NDUFAF6: variants seen among roughly 807,000 people sequenced by gnomAD.
NDUFAF6 encodes the protein NADH dehydrogenase (ubiquinone) complex I, assembly factor 6.
Under a neutral mutation model 40.8 loss-of-function variants are expected in NDUFAF6, and 45 were observed. The ratio of observed to expected loss-of-function variants is 1.10; its 90% confidence interval spans 0.87 to 1.42. The LOEUF (loss-of-function observed/expected upper bound fraction) is 1.42, where lower values mean the gene tolerates loss of function less well. NDUFAF6 is among the 40% of genes most tolerant of loss of function. The probability of loss-of-function intolerance (pLI) is 0.00; values close to 1 mark genes in which losing one functional copy is unlikely to be tolerated. For synonymous variants in NDUFAF6, 185 were observed against 155.9 expected (o/e 1.19, Z -1.39); for missense variants, 435 against 418.5 (o/e 1.04, Z -0.34).
At chr8:94,983,144 T>C (rs969239151) in intron 2 of NDUFAF6, among the ~76,000 whole-genome samples, 1 of 151,828 alleles carries the variant, frequency 6.6e-6, no homozygotes, top group Non-Finnish European at 1.5e-5. Flanking sequence ...GAATAATAAC[T>C]ACACAGAGGC....
At chr8:95,038,699 G>A (rs1829789431) in intron 3 of NDUFAF6, among the ~76,000 whole-genome samples, 1 of 151,710 alleles carries the variant, frequency 6.6e-6, no homozygotes, top group Admixed American at 6.6e-5. Flanking sequence ...TCTTTTTTGA[G>A]ACGGAGCTTT....
intron 3 of NDUFAF6, among the ~76,000 whole-genome samples, chr8:95,037,672 T>C (rs1161829615): frequency 6.6e-6 from 1 of 152,204 alleles, no homozygotes; most frequent in Non-Finnish European, 1.5e-5. Flanking sequence ...TGTCATGTAA[T>C]GCATTTTGAT....
intron 2 of NDUFAF6, among the ~76,000 whole-genome samples, chr8:95,090,671 G>T (rs1267977539): frequency 6.6e-6 from 1 of 152,134 alleles, no homozygotes; most frequent in Non-Finnish European, 1.5e-5. Context: ...AACTTGATTG[G>T]ATTGAAGGAT....
intron 2 of NDUFAF6, among the ~76,000 whole-genome samples, chr8:95,101,855 C>T (rs1424420570): frequency 2.0e-5 from 3 of 152,204 alleles, no homozygotes; most frequent in African/African-American, 7.2e-5. Context: ...GAAGAGGCAG[C>T]TTCTGACCCA....
At chr8:95,076,953 C>T (rs2599703), downstream of NDUFAF6, among the ~76,000 whole-genome samples, 86,275 of 151,454 alleles carry the variant, frequency 0.57, 24,877 homozygotes, top group East Asian at 0.77. Flanking sequence ...ACAGTGTGAC[C>T]GTATGTGGAG....
intron 1 of NDUFAF6, among the ~76,000 whole-genome samples, chr8:94,961,453 G>A (rs28560301): frequency 0.51 from 76,990 of 152,038 alleles, 19,916 homozygotes; most frequent in East Asian, 0.72. Flanking sequence ...ACGGAGTCTC[G>A]CTCTGTCGCC....
At chr8:95,046,292 G>A (rs879814938) in intron 5 of NDUFAF6, among the ~76,000 whole-genome samples, 9 of 152,044 alleles carry the variant, frequency 5.9e-5, no homozygotes, top group Admixed American at 2.6e-4. Context: ...TGATCTGCCC[G>A]CCTCGGCCTC....
At chr8:94,969,592 G>T (rs550557882) in intron 1 of NDUFAF6, among the ~76,000 whole-genome samples, 1 of 152,268 alleles carries the variant, frequency 6.6e-6, no homozygotes, top group East Asian at 1.9e-4. Context: ...GGTGAACTGT[G>T]ATCATACCAC....
intron 1 of NDUFAF6, among the ~76,000 whole-genome samples, chr8:94,924,154 G>C (rs909044667): frequency 1.2e-4 from 18 of 151,936 alleles, no homozygotes; most frequent in African/African-American, 3.4e-4. Context: ...TCCGCCTCCC[G>C]GGTTCAAGCG....
intron 1 of NDUFAF6, among the ~76,000 whole-genome samples, chr8:94,980,452 T>TG (rs1825335020): frequency 6.9e-6 from 1 of 145,688 alleles, no homozygotes; most frequent in African/African-American, 2.5e-5. Context: ...GTTTTTTTTT[T>TG]TTTTTTTTTT....
intron 4 of NDUFAF6, among the ~76,000 whole-genome samples, chr8:95,114,746 T>C (rs1350380340): frequency 1.3e-5 from 2 of 152,172 alleles, no homozygotes; most frequent in East Asian, 3.8e-4. Context: ...GAGATTAAAA[T>C]AGCAACATTA....
chr8:94,952,711 A>T (rs1822727239), intron 2 of NDUFAF6, among the ~76,000 whole-genome samples: 1 of 152,246 alleles, frequency 6.6e-6, no homozygotes, highest in Non-Finnish European at 1.5e-5. Flanking sequence ...GAATTATTCC[A>T]GGGCCATAAG....
chr8:94,998,421 A>G (rs1177847294), intron 2 of NDUFAF6, among the ~76,000 whole-genome samples: 4 of 148,012 alleles, frequency 2.7e-5, no homozygotes, highest in African/African-American at 9.9e-5. Context: ...CACACACGCA[A>G]TGACAGCATA....
intron 2 of NDUFAF6, among the ~76,000 whole-genome samples, chr8:95,089,474 A>G (rs1246435551): frequency 6.6e-6 from 1 of 151,934 alleles, no homozygotes; most frequent in Admixed American, 6.6e-5. Context: ...ATATATATAT[A>G]TAAAAGGGAG....
At chr8:94,980,116 C>A (rs568553685) in intron 1 of NDUFAF6, among the ~76,000 whole-genome samples, 100 of 149,656 alleles carry the variant, frequency 6.7e-4, no homozygotes, top group African/African-American at 2.3e-3. Flanking sequence ...AAAAAAACAA[C>A]AAAAAAAACC....
At chr8:94,945,374 T>G (rs1040241766) in intron 1 of NDUFAF6, 2 of 152,248 alleles carry the variant, frequency 1.3e-5, no homozygotes, top group African/African-American at 4.8e-5. Flanking sequence ...TTTAGTATAT[T>G]AAATACATTA....
chr8:95,046,001 TG>T (rs1830705478), intron 5 of NDUFAF6, among the ~76,000 whole-genome samples: 1 of 151,880 alleles, frequency 6.6e-6, no homozygotes, highest in African/African-American at 2.4e-5. Flanking sequence ...TACTTATCCA[TG>T]GAAAAAGAAA....
chr8:95,013,313 C>T (rs890071778), intron 2 of NDUFAF6, among the ~76,000 whole-genome samples: 2 of 152,092 alleles, frequency 1.3e-5, no homozygotes, highest in Non-Finnish European at 2.9e-5. Context: ...GCTATGCTGT[C>T]CAGACTAGTC....
In NDUFAF6 at chr8:94,903,728, A is replaced by C. The variant is rs574712994; in HGVS notation, c.-936+7801A>C. Among the ~76,000 whole-genome samples, 53 of 152,350 alleles carry C rather than the reference A, an allele frequency of 3.5e-4. 1 individual carries two copies. The South Asian group carries it at 0.01, about 30-fold the overall frequency. On this transcript the variant is annotated intron_variant, in intron 1 of 14. Coordinates refer to the NDUFAF6 transcript ENST00000396113. ...TAAAATGTTAATAGTTAATAAACTG[A>C]GTGATGGATGCACAGAGATTAATCT... is the stretch of plus-strand genomic sequence containing the variant.
Sources: allele counts gnomAD v4.1 joint callset (sites outside exome capture counted in the v4.1 genomes callset), GRCh38; gene constraint gnomAD v4.1.1; transcripts MANE v1.5; gene names NCBI Gene and HGNC (gene_info 2026-07-23, HGNC 2026-07-21).